Variants in SHROOM3 observed in about 807,000 individuals in gnomAD.
The protein encoded by SHROOM3 is protein Shroom3.
In SHROOM3, 47 loss-of-function variants were observed where a neutral mutation model predicts 138.6. That is an observed-to-expected ratio of 0.34 (90% CI 0.27 to 0.43). The LOEUF is 0.43. SHROOM3 is among the 20% of genes least tolerant of loss of function. The pLI is 1.00. For missense variants in SHROOM3, 2,491 were observed against 2,596.5 expected, an observed-to-expected ratio of 0.96 and a Z score of 0.88; for synonymous variants, 1,062 against 1,063.3, an observed-to-expected ratio of 1.00 and a Z score of 0.02.
chr4:76,704,564 A>G (rs1218069877), intron 2 of SHROOM3, among the ~76,000 whole-genome samples: 1 of 152,254 alleles, frequency 6.6e-6, no homozygotes, highest in Non-Finnish European at 1.5e-5. Flanking sequence ...AAAAGCAAAG[A>G]GCTTGGCAAG....
At chr4:76,671,235 G>A (rs916427618) in intron 2 of SHROOM3, among the ~76,000 whole-genome samples, 1 of 152,164 alleles carries the variant, frequency 6.6e-6, no homozygotes, top group Non-Finnish European at 1.5e-5. Flanking sequence ...GTACTCCCAC[G>A]ACTGTGCCCT....
rs375832980 is a variant in SHROOM3 at position 76,741,681 on chromosome 4, C to T, written c.3508C>T (p.Arg1170Cys). ...VAETQQAPRD[R>C]SSSFAGGRRL... ...AGAAACCCAGCAGGCTCCCCGAGAT[C>T]GCAGCAGCTCCTTCGCCGGTGGCCG... Residue 1170 changes from arginine (R) to cysteine (C), a missense_variant, in exon 5 of 11, where the codon CGC (arginine) becomes TGC (cysteine). Arg to Cys is a radical substitution (Grantham distance 180, BLOSUM62 -3). Coordinates refer to ENST00000296043, the MANE Select transcript of SHROOM3 (RefSeq NM_020859.4). The surrounding 1 kb of genome is among the most constrained non-coding windows in gnomAD (Gnocchi z 6.2). 190 of 1,551,940 alleles carry T rather than the reference C, an allele frequency of 1.2e-4. 6 individuals are homozygous for T. Among genetic ancestry groups the T allele is most frequent in the East Asian group, 8.2e-4 (34 of 41,582 alleles).
rs753301396 is a variant in SHROOM3 at position 76,740,632 on chromosome 4, C to T, written c.2459C>T (p.Thr820Ile). 61 of 1,614,092 alleles carry T rather than the reference C, an allele frequency of 3.8e-5. No homozygotes were observed. In the South Asian group the frequency reaches 6.6e-4, roughly 17 times the overall value. The change falls in exon 5 of 11, where the codon ACT becomes ATT. Residue 820 changes from threonine to isoleucine, a missense_variant. Around this residue, in one of 4 missense-constraint regions of SHROOM3, gnomAD observed 1,733 missense variants for 1,661.6 expected, o/e 1.04. Transcript: ENST00000296043. The surrounding 1 kb of genome is among the most constrained non-coding windows in gnomAD (Gnocchi z 4.0). The part of the protein sequence containing the change: ...RPHRTVSTSS[T>I]SGNDFEETKA... ...CACAGGACCGTCTCAACTTCCAGTA[C>T]TTCTGGGAATGACTTCGAGGAGACA...
chr4:76,551,162 C>T (rs945952317), intron 1 of SHROOM3, among the ~76,000 whole-genome samples: 4 of 151,940 alleles, frequency 2.6e-5, no homozygotes, highest in African/African-American at 7.2e-5. Context: ...TGTGCCACCA[C>T]ATCCGGCTAA....
At chr4:76,550,439 A>T in intron 1 of SHROOM3, among the ~76,000 whole-genome samples, 1 of 152,176 alleles carries the variant, frequency 6.6e-6, no homozygotes, top group East Asian at 1.9e-4. Context: ...AGAGGAGAGG[A>T]TGAAATAGAT....
rs192572462 is a variant in SHROOM3 at position 76,660,689 on chromosome 4, T to C, written c.324-49467T>C. On this transcript the variant is annotated intron_variant, in intron 2 of 10. Transcript: ENST00000296043. ...CGGGGTTTCACCATGTTGGTCAGGC[T>C]GGTCTCAAACTCCTGACCTCAGGTA... 5.3e-4 allele frequency among the ~76,000 whole-genome samples: 81 copies of C among 152,298 alleles called. No homozygotes were observed. In the Middle Eastern group the frequency reaches 0.01, roughly 19 times the overall value.
intron 4 of SHROOM3, among the ~76,000 whole-genome samples, chr4:76,736,387 C>CTGAT (rs1721073821): frequency 6.6e-6 from 1 of 152,156 alleles, no homozygotes; most frequent in South Asian, 2.1e-4. Context: ...CTGACTTTCT[C>CTGAT]TGATAGAGAA....
At chr4:76,570,836 G>A (rs951636292) in intron 2 of SHROOM3, among the ~76,000 whole-genome samples, 2 of 152,110 alleles carry the variant, frequency 1.3e-5, no homozygotes, top group Non-Finnish European at 1.5e-5. Context: ...AGACTACGTG[G>A]GTGGTATTAG....
intron 2 of SHROOM3, among the ~76,000 whole-genome samples, chr4:76,651,401 A>AATATATATATATATAT (rs33994270): frequency 1.4e-3 from 118 of 86,666 alleles, no homozygotes; most frequent in Non-Finnish European, 1.9e-3. Flanking sequence ...GTAACCCATA[A>AATATATATATATATAT]ATATATATAT....
intron 10 of SHROOM3, among the ~76,000 whole-genome samples, 178 bp downstream of exon 10, chr4:76,771,076 T>C (rs1287929378): frequency 6.6e-6 from 1 of 152,150 alleles, no homozygotes; most frequent in African/African-American, 2.4e-5. Flanking sequence ...TGTTGAGATA[T>C]AATGCTGGCC....
At chr4:76,501,309 T>G (rs1732087050) in intron 1 of SHROOM3, among the ~76,000 whole-genome samples, 1 of 152,216 alleles carries the variant, frequency 6.6e-6, no homozygotes, top group African/African-American at 2.4e-5. Flanking sequence ...ATATATTTTG[T>G]TTCTTTGTGT....
intron 1 of SHROOM3, among the ~76,000 whole-genome samples, chr4:76,504,673 C>A (rs1455187386): frequency 6.6e-6 from 1 of 152,024 alleles, no homozygotes; most frequent in Non-Finnish European, 1.5e-5. Context: ...TCTATAATCC[C>A]CTGCCCCTAA....
intron 1 of SHROOM3, among the ~76,000 whole-genome samples, chr4:76,515,528 A>C (rs1732427008): frequency 6.6e-6 from 1 of 152,116 alleles, no homozygotes. Context: ...TGTTATTATT[A>C]TTATTTCCTT....
chr4:76,732,741 G>A (rs1445951587), intron 4 of SHROOM3, among the ~76,000 whole-genome samples: 1 of 152,198 alleles, frequency 6.6e-6, no homozygotes, highest in Non-Finnish European at 1.5e-5. Flanking sequence ...AGTGGTAAGG[G>A]ACTGGGCCTT....
intron 1 of SHROOM3, among the ~76,000 whole-genome samples, chr4:76,493,082 A>G (rs1345179408): frequency 3.3e-5 from 5 of 151,960 alleles, no homozygotes; most frequent in Non-Finnish European, 5.9e-5. Flanking sequence ...TTAGCTGGCC[A>G]TGGTGGTGGG....
At chr4:76,656,499 T>C (rs1351591344) in intron 2 of SHROOM3, among the ~76,000 whole-genome samples, 1 of 152,248 alleles carries the variant, frequency 6.6e-6, no homozygotes, top group Non-Finnish European at 1.5e-5. Flanking sequence ...TCACTCTTTA[T>C]ATCTCAGTGT....
intron 2 of SHROOM3, among the ~76,000 whole-genome samples, chr4:76,652,730 G>T (rs902722398): frequency 6.6e-6 from 1 of 151,280 alleles, no homozygotes; most frequent in Non-Finnish European, 1.5e-5. Context: ...AGTAAGAGAT[G>T]TAAGAGATAC....
chr4:76,599,693 A>C (rs553830066), intron 2 of SHROOM3, among the ~76,000 whole-genome samples: 8 of 152,340 alleles, frequency 5.3e-5, no homozygotes, highest in Non-Finnish European at 1.0e-4. Context: ...CTTTGGGCAG[A>C]ATACTTATCT....
At chr4:76,477,684 C>G (rs1224412328) in intron 1 of SHROOM3, among the ~76,000 whole-genome samples, 3 of 152,122 alleles carry the variant, frequency 2.0e-5, no homozygotes, top group Non-Finnish European at 4.4e-5. Context: ...TTGTGGCTGG[C>G]AAGATGGCCG....
Sources: allele counts gnomAD v4.1 joint callset (sites outside exome capture counted in the v4.1 genomes callset), GRCh38; gene constraint gnomAD v4.1.1; regional missense constraint gnomAD v4.1.1; non-coding constraint Gnocchi (gnomAD v3.1); transcripts MANE v1.5; gene names NCBI Gene and HGNC (gene_info 2026-07-23, HGNC 2026-07-21).